MTMR8: variants seen among roughly 807,000 people sequenced by gnomAD.
MTMR8 encodes the protein phosphatidylinositol-3,5-bisphosphate 3-phosphatase MTMR8.
Under a neutral mutation model 39.3 loss-of-function variants are expected in MTMR8, and 65 were observed. That is an observed-to-expected ratio of 1.65 (90% CI 1.35 to 2.03). The LOEUF (loss-of-function observed/expected upper bound fraction) is 2.03. Ranked by LOEUF, MTMR8 falls within the 30% of genes most tolerant of loss-of-function variation. The pLI, the probability that MTMR8 is intolerant of heterozygous loss-of-function variation, is 0.00. For missense variants in MTMR8, 777 were observed against 538.9 expected (o/e 1.44, Z -4.37); for synonymous variants, 245 against 185.2 (o/e 1.32, Z -2.62).
chrX:64,285,204 C>A (rs1921115336), intron 12 of MTMR8, among the ~76,000 whole-genome samples: 2 of 111,352 alleles, frequency 1.8e-5, no homozygotes, highest in Non-Finnish European at 3.8e-5. Flanking sequence ...TTTAAATCAA[C>A]AAAGATCAAA....
chrX:64,312,033 C>A (rs751920452), intron 12 of MTMR8, among the ~76,000 whole-genome samples: 12 of 111,063 alleles, frequency 1.1e-4, no homozygotes, highest in Admixed American at 2.9e-4. Flanking sequence ...TTTTCCAATT[C>A]TGTGAAGGAA....
At chrX:64,327,638 A>G (rs1035904301) in intron 12 of MTMR8, among the ~76,000 whole-genome samples, 2 of 112,509 alleles carry the variant, frequency 1.8e-5, no homozygotes, top group Non-Finnish European at 3.8e-5. Context: ...AAATATAAAA[A>G]GAGAACTGCC....
intron 12 of MTMR8, among the ~76,000 whole-genome samples, chrX:64,285,173 C>G (rs1921114003): frequency 9.0e-6 from 1 of 111,316 alleles, no homozygotes; most frequent in Non-Finnish European, 1.9e-5. Context: ...GTTTGCAATC[C>G]TAGTCTCTGA....
chrX:64,318,260 C>A (rs1026052919), intron 12 of MTMR8, among the ~76,000 whole-genome samples: 1 of 112,357 alleles, frequency 8.9e-6, no homozygotes. Context: ...TTTGTGATAG[C>A]TTGATGAGGC....
intron 2 of MTMR8, among the ~76,000 whole-genome samples, chrX:64,357,506 C>A (rs1923657262): frequency 9.0e-6 from 1 of 111,205 alleles, no homozygotes; most frequent in South Asian, 3.8e-4. Context: ...CTCACTGCAG[C>A]CTCAACCTCC....
Position 64,354,836 on chromosome X carries a change from C to T in MTMR8, c.409G>A (p.Gly137Arg). Residue 137 changes from glycine (G) to arginine (R), a missense_variant, in exon 4 of 14, where the codon GGG (glycine) becomes AGG (arginine). Coordinates refer to ENST00000374852, the MANE Select transcript of MTMR8 (RefSeq NM_017677.4). ...TTTCTGTTGGGTATTCCCATACGCC[C>T]AAAGTCTGATATTGGGTCAATCAGT... ...WKLIDPISDF[G>R]RMGIPNRNWT... 8.3e-7 allele frequency: 1 copy of T among 1,206,717 alleles called. No homozygotes were observed. Among genetic ancestry groups the T allele is most frequent in the Non-Finnish European group, 1.1e-6 (1 of 892,499 alleles).
At chrX:64,306,902 C>T (rs1011403866) in intron 12 of MTMR8, among the ~76,000 whole-genome samples, 4 of 111,146 alleles carry the variant, frequency 3.6e-5, no homozygotes, top group Admixed American at 9.6e-5. Flanking sequence ...GCCTTCTCCT[C>T]TCCCTGTACA....
In MTMR8 at chrX:64,348,933, C is replaced by T. The variant is rs146037591; in HGVS notation, c.598-139G>A. The T allele has an allele frequency of 1.0e-2, 6,648 of 665,954 alleles. 34 individuals carry two copies. The highest frequency in any genetic ancestry group is 0.013 in the Non-Finnish European group (5,847 of 457,218). 54.9% of individuals were successfully genotyped at this position (665,954 alleles called of 1,213,427 possible). On this transcript the variant is annotated intron_variant, in intron 5 of 13. Coordinates refer to ENST00000374852, the MANE Select transcript of MTMR8 (RefSeq NM_017677.4). ...GTGTCCAAAGCAAAGAGAAATGTGA[C>T]TCTAAAGTCATTCTCCACTGACATT...
chrX:64,356,763 G>C (rs1923636225), intron 2 of MTMR8, among the ~76,000 whole-genome samples: 1 of 110,595 alleles, frequency 9.0e-6, no homozygotes, highest in African/African-American at 3.3e-5. Flanking sequence ...CATAAACAAA[G>C]TAGTCCATGA....
chrX:64,302,267 G>C (rs997116123), intron 12 of MTMR8, among the ~76,000 whole-genome samples: 1 of 112,563 alleles, frequency 8.9e-6, no homozygotes, highest in East Asian at 2.8e-4. Flanking sequence ...ATAGTCTCAT[G>C]GTGCGCCGTT....
intron 1 of MTMR8, among the ~76,000 whole-genome samples, chrX:64,375,502 AT>A (rs1327001682): frequency 8.9e-6 from 1 of 111,996 alleles, no homozygotes. Context: ...AATGGTCTGA[AT>A]GCTGGTGTCC....
At chrX:64,295,951 T>G (rs1414148976) in intron 12 of MTMR8, among the ~76,000 whole-genome samples, 2 of 112,053 alleles carry the variant, frequency 1.8e-5, no homozygotes, top group South Asian at 7.4e-4. Context: ...AACAATCCAC[T>G]TTTAGGTTAT....
At chrX:64,300,368 A>T (rs1437135379) in intron 12 of MTMR8, among the ~76,000 whole-genome samples, 2 of 111,312 alleles carry the variant, frequency 1.8e-5, no homozygotes, top group African/African-American at 6.5e-5. Flanking sequence ...GTTGGTTTAA[A>T]GTCTGTTTTA....
At chrX:64,278,460 GTTTTTTTTTTTTTT>G (rs56132040) in intron 12 of MTMR8, among the ~76,000 whole-genome samples, 5 of 24,686 alleles carry the variant, frequency 2.0e-4, no homozygotes, top group East Asian at 1.9e-3. Flanking sequence ...TATTTTGCTG[GTTTTTTTTTTTTTT>G]TTTTTTTTTT....
chrX:64,286,467 C>G (rs919730947), intron 12 of MTMR8, among the ~76,000 whole-genome samples: 1 of 111,884 alleles, frequency 8.9e-6, no homozygotes, highest in Non-Finnish European at 1.9e-5. Flanking sequence ...TTTCATGAGG[C>G]CAGCATCATC....
chrX:64,312,705 C>T (rs763256382), intron 12 of MTMR8, among the ~76,000 whole-genome samples: 1 of 112,329 alleles, frequency 8.9e-6, no homozygotes, highest in South Asian at 3.7e-4. Context: ...TATGGCCATA[C>T]AAAGTGTATT....
At chrX:64,275,297 A>G (rs1193826592) in intron 12 of MTMR8, among the ~76,000 whole-genome samples, 1 of 111,428 alleles carries the variant, frequency 9.0e-6, no homozygotes, top group Non-Finnish European at 1.9e-5. Context: ...CTAACTTTAT[A>G]TCTCAGGAAC....
chrX:64,310,999 C>A (rs894064526), intron 12 of MTMR8, among the ~76,000 whole-genome samples: 7 of 111,662 alleles, frequency 6.3e-5, no homozygotes, highest in Non-Finnish European at 1.1e-4. Flanking sequence ...GATTTATAAT[C>A]CTTTCGGTAT....
intron 1 of MTMR8, among the ~76,000 whole-genome samples, chrX:64,377,193 G>A (rs1335040313): frequency 2.7e-5 from 3 of 112,324 alleles, no homozygotes; most frequent in Non-Finnish European, 5.6e-5. Context: ...TAGTGTGGAA[G>A]GGAAATGTGG....
Sources: allele counts gnomAD v4.1 joint callset (sites outside exome capture counted in the v4.1 genomes callset), GRCh38; gene constraint gnomAD v4.1.1; transcripts MANE v1.5; gene names NCBI Gene and HGNC (gene_info 2026-07-23, HGNC 2026-07-21).